The following MYO1H variants were observed in gnomAD, a reference collection of about 807,000 sequenced individuals.
MYO1H encodes unconventional myosin-Ih.
In MYO1H, 118 loss-of-function variants were observed where a neutral mutation model predicts 149.3. The observed-to-expected ratio is 0.79, with a 90% CI of 0.68 to 0.92. MYO1H has a LOEUF of 0.92. Among genes scored for constraint, MYO1H ranks in the 40% least tolerant of loss-of-function variants. The probability of loss-of-function intolerance (pLI) is 0.00; values close to 1 mark genes in which losing one functional copy is unlikely to be tolerated. For missense variants in MYO1H, 1,212 were observed against 1,280.7 expected (o/e 0.95, Z 0.82); for synonymous variants, 447 against 465.2 (o/e 0.96, Z 0.50).
chr12:109,413,851 A>G (rs1870781427), intron 14 of MYO1H, among the ~76,000 whole-genome samples: 1 of 152,128 alleles, frequency 6.6e-6, no homozygotes, highest in African/African-American at 2.4e-5. Context: ...TAGAGGTTGC[A>G]GTGAGCCGAG....
At chr12:109,353,795 G>T (rs1014248687) in intron 1 of MYO1H, among the ~76,000 whole-genome samples, 4 of 152,130 alleles carry the variant, frequency 2.6e-5, no homozygotes, top group African/African-American at 9.6e-5. Context: ...GGTATTACAG[G>T]CACCCACCAC....
At chr12:109,427,448 C>G in intron 18 of MYO1H, 21 bp from the exon 19 acceptor site, 2 of 1,495,960 alleles carry the variant, frequency 1.3e-6, no homozygotes, top group Non-Finnish European at 1.9e-6. Context: ...TCCTGTCATT[C>G]TCTGTTCTAT....
chr12:109,446,581 T>C (rs1307786343), intron 31 of MYO1H: 1 of 365,638 alleles, frequency 2.7e-6, no homozygotes, highest in Non-Finnish European at 3.8e-6. Context: ...CTGGCCAACA[T>C]GGTGAACTCC....
chr12:109,436,980 C>T (rs914704231), intron 22 of MYO1H, among the ~76,000 whole-genome samples: 3 of 152,102 alleles, frequency 2.0e-5, no homozygotes, highest in African/African-American at 7.2e-5. Context: ...TGGTTAATGC[C>T]TGTAGTCCCA....
chr12:109,399,550 C>T (rs972563843), intron 5 of MYO1H, among the ~76,000 whole-genome samples: 1 of 146,030 alleles, frequency 6.8e-6, no homozygotes, highest in Non-Finnish European at 1.5e-5. Context: ...CCAGATTGTG[C>T]CACTGCACTC....
chr12:109,391,264 C>G (rs931944925), intron 2 of MYO1H, among the ~76,000 whole-genome samples: 1 of 152,060 alleles, frequency 6.6e-6, no homozygotes, highest in Non-Finnish European at 1.5e-5. Flanking sequence ...GTTGTTCCCC[C>G]CTCTCCCACA....
At chr12:109,321,834 C>T in the MYO1H span, among the ~76,000 whole-genome samples, 1 of 152,152 alleles carries the variant, frequency 6.6e-6, no homozygotes, top group Non-Finnish European at 1.5e-5. Context: ...AATTGTAATG[C>T]ACTTTTGAGG....
At chr12:109,318,779 C>A in the MYO1H span, among the ~76,000 whole-genome samples, 1 of 152,030 alleles carries the variant, frequency 6.6e-6, no homozygotes, top group African/African-American at 2.4e-5. Context: ...TGGGTTGGAT[C>A]CTGCAGCAGG....
At chr12:109,332,108 G>A in the MYO1H span, among the ~76,000 whole-genome samples, 6 of 152,174 alleles carry the variant, frequency 3.9e-5, no homozygotes, top group African/African-American at 1.2e-4. Flanking sequence ...GTGCTGTACT[G>A]GGATTTGCTA....
At chr12:109,339,323 C>CCATTG in the MYO1H span, among the ~76,000 whole-genome samples, 426 of 152,148 alleles carry the variant, frequency 2.8e-3, 3 homozygotes, top group African/African-American at 9.6e-3. Flanking sequence ...CAAGATAGCA[C>CCATTG]CATTGCACTG....
chr12:109,423,573 A>G (rs559895988), intron 16 of MYO1H, among the ~76,000 whole-genome samples: 7 of 152,346 alleles, frequency 4.6e-5, no homozygotes, highest in Non-Finnish European at 1.0e-4. Flanking sequence ...CTCAGTATCC[A>G]CTAAACAACT....
At chr12:109,418,572 C>T (rs767443257) in intron 15 of MYO1H, among the ~76,000 whole-genome samples, 4 of 151,528 alleles carry the variant, frequency 2.6e-5, no homozygotes, top group African/African-American at 4.9e-5. Flanking sequence ...GTTTTTTAGA[C>T]GGAGTCTCGC....
intron 23 of MYO1H, among the ~76,000 whole-genome samples, chr12:109,439,046 A>C (rs1371655783): frequency 1.4e-5 from 2 of 144,026 alleles, no homozygotes; most frequent in Non-Finnish European, 3.0e-5. Flanking sequence ...AGGAACGCTG[A>C]AATCTGGCTT....
At position 109,442,795 on chromosome 12, in the gene MYO1H, C is replaced by CTGCCTTT. The variant is rs1165995755; in HGVS notation, c.2688+524_2688+525insGCCTTTT. ...GTGATCGTGTGTGCCAGTGTCTGCT[C>CTGCCTTT]TTTTTTTTTTTTTTTTTTTTTTTGT... is the stretch of plus-strand genomic sequence containing the variant. On this transcript the variant is annotated intron_variant, in intron 27 of 31. Coordinates refer to ENST00000310903, the Ensembl canonical transcript of MYO1H. 1.3e-4 allele frequency among the ~76,000 whole-genome samples: 12 copies of CTGCCTTT among 94,036 alleles called. 1 individual carries two copies. Among genetic ancestry groups the CTGCCTTT allele is most frequent in the East Asian group, 6.4e-4 (2 of 3,106 alleles). The allele number at this position is 94,036 out of a possible 152,430, so 61.7% of individuals were successfully genotyped here. A position where few individuals can be genotyped will look rare whatever the true frequency, so the allele number is the denominator to read the frequency against.
At chr12:109,404,178 A>G in intron 7 of MYO1H, 98 bp downstream of exon 7, 1 of 884,006 alleles carries the variant, frequency 1.1e-6, no homozygotes, top group South Asian at 1.5e-5. Context: ...AAATTCAACA[A>G]ATAAAAATAC....
At chr12:109,378,948 C>G (rs1381624763) in intron 1 of MYO1H, among the ~76,000 whole-genome samples, 1 of 152,230 alleles carries the variant, frequency 6.6e-6, no homozygotes. Context: ...GCGTCTCCCA[C>G]TCTGGATTTA....
At chr12:109,387,851 G>A (rs1869423251) in intron 1 of MYO1H, among the ~76,000 whole-genome samples, 1 of 152,240 alleles carries the variant, frequency 6.6e-6, no homozygotes, top group Non-Finnish European at 1.5e-5. Context: ...GCTTGCCTGA[G>A]CCCTGGAAGG....
the MYO1H span, among the ~76,000 whole-genome samples, chr12:109,332,135 A>C: frequency 2.0e-5 from 3 of 152,370 alleles, no homozygotes; most frequent in African/African-American, 7.2e-5. Flanking sequence ...AGAGAGCAGT[A>C]GGATTTTCAT....
the MYO1H span, among the ~76,000 whole-genome samples, chr12:109,339,247 C>T: frequency 3.9e-5 from 6 of 152,098 alleles, no homozygotes; most frequent in Non-Finnish European, 7.4e-5. Flanking sequence ...CACCTGTAAT[C>T]CCAGCTGTGC....
Sources: gnomAD v4.1 joint callset for allele counts (sites outside exome capture counted in the v4.1 genomes callset) on GRCh38, gnomAD v4.1.1 for gene constraint, MANE v1.5 for transcripts, NCBI Gene and HGNC (gene_info 2026-07-23, HGNC 2026-07-21) for gene names.